Variants in KCNIP1 observed in about 807,000 individuals in gnomAD.
KCNIP1 encodes A-type potassium channel modulatory protein KCNIP1.
Under a neutral mutation model 33.0 loss-of-function variants are expected in KCNIP1, and 18 were observed. The ratio of observed to expected loss-of-function variants is 0.55; its 90% CI spans 0.38 to 0.81. KCNIP1 has a LOEUF of 0.81. Ranked by LOEUF, KCNIP1 falls within the 30% of genes least tolerant of loss-of-function variation. The probability of loss-of-function intolerance (pLI) is 0.00; values close to 1 mark genes in which losing one functional copy is unlikely to be tolerated. For missense variants in KCNIP1, 238 were observed against 271.6 expected (o/e 0.88, Z 0.87); for synonymous variants, 93 against 98.3 (o/e 0.95, Z 0.32).
intron 1 of KCNIP1, among the ~76,000 whole-genome samples, chr5:170,553,752 G>T (rs915803145): frequency 1.3e-5 from 2 of 152,224 alleles, no homozygotes; most frequent in African/African-American, 4.8e-5. Flanking sequence ...GGGTGAAGAG[G>T]TGAACCTCAG....
intron 4 of KCNIP1, 43 bp downstream of exon 4, chr5:170,721,946 C>T: frequency 1.9e-6 from 3 of 1,607,354 alleles, no homozygotes; most frequent in Admixed American, 1.7e-5. Context: ...TCTGGTTCTG[C>T]ATCACCTCCC....
intron 1 of KCNIP1, among the ~76,000 whole-genome samples, chr5:170,607,400 A>G (rs1339640155): frequency 1.3e-5 from 2 of 151,970 alleles, no homozygotes; most frequent in Non-Finnish European, 2.9e-5. Context: ...ATAAACAATC[A>G]TTTACAGAGT....
intron 1 of KCNIP1, among the ~76,000 whole-genome samples, chr5:170,428,985 C>A (rs1259805653): frequency 1.3e-5 from 2 of 152,040 alleles, no homozygotes; most frequent in Non-Finnish European, 1.5e-5. Flanking sequence ...CTGAAGTGTT[C>A]AGAACTTTTC....
intron 1 of KCNIP1, among the ~76,000 whole-genome samples, chr5:170,556,059 C>A (rs148235618): frequency 1.3e-5 from 2 of 152,182 alleles, no homozygotes; most frequent in Non-Finnish European, 2.9e-5. Flanking sequence ...ACAACTCAAC[C>A]GTTTAGTGAA....
chr5:170,662,353 C>T (rs1036598890), intron 1 of KCNIP1, among the ~76,000 whole-genome samples: 9 of 152,144 alleles, frequency 5.9e-5, no homozygotes, highest in Non-Finnish European at 7.4e-5. Context: ...AATGACCCTC[C>T]GTCACTGAAG....
intron 1 of KCNIP1, among the ~76,000 whole-genome samples, chr5:170,581,274 C>T (rs574693878): frequency 6.6e-6 from 1 of 152,318 alleles, no homozygotes; most frequent in South Asian, 2.1e-4. Flanking sequence ...TTTCCAAGGT[C>T]ACAGAGCTAA....
chr5:170,442,688 C>T (rs1756021790), intron 1 of KCNIP1, among the ~76,000 whole-genome samples: 1 of 151,938 alleles, frequency 6.6e-6, no homozygotes, highest in South Asian at 2.1e-4. Context: ...GAGATGTCCT[C>T]AACAGCACCT....
intron 1 of KCNIP1, chr5:170,379,022 T>C (rs1250412092): frequency 3.8e-6 from 6 of 1,591,318 alleles, no homozygotes; most frequent in South Asian, 2.3e-5. Context: ...CCCCATTTCT[T>C]AGCCAAGGGC....
At chr5:170,363,265 G>A (rs2113291605) in intron 1 of KCNIP1, among the ~76,000 whole-genome samples, 1 of 152,326 alleles carries the variant, frequency 6.6e-6, no homozygotes, top group East Asian at 1.9e-4. Flanking sequence ...AAACCTGTCA[G>A]CACCGTCACT....
chr5:170,581,762 A>C (rs746594095), intron 1 of KCNIP1, among the ~76,000 whole-genome samples: 5 of 152,244 alleles, frequency 3.3e-5, no homozygotes. Flanking sequence ...TTGTGTTCCT[A>C]CAAAGGAGAA....
chr5:170,408,739 G>A (rs186784149), intron 1 of KCNIP1, among the ~76,000 whole-genome samples: 27 of 152,276 alleles, frequency 1.8e-4, no homozygotes, highest in Admixed American at 6.5e-5. Flanking sequence ...CTTGAAGAAC[G>A]CTTTCTCTGC....
At chr5:170,512,442 G>A (rs757577220) in intron 1 of KCNIP1, among the ~76,000 whole-genome samples, 2 of 152,190 alleles carry the variant, frequency 1.3e-5, no homozygotes, top group Admixed American at 1.3e-4. Context: ...TATGTTATAC[G>A]GTTGTTATGA....
chr5:170,704,656 T>TTCC (rs968985182), intron 1 of KCNIP1, among the ~76,000 whole-genome samples: 13 of 152,192 alleles, frequency 8.5e-5, no homozygotes, highest in African/African-American at 2.2e-4. Context: ...TGGAAAGGGA[T>TTCC]TCCTCCTCCT....
intron 1 of KCNIP1, among the ~76,000 whole-genome samples, chr5:170,651,643 C>G (rs1354161977): frequency 1.3e-5 from 2 of 152,156 alleles, no homozygotes; most frequent in Admixed American, 1.3e-4. Flanking sequence ...CTGGACATTA[C>G]TTATTCTTTA....
chr5:170,730,839 TA>T (rs34072627), intron 5 of KCNIP1, among the ~76,000 whole-genome samples: 34,309 of 146,328 alleles, frequency 0.23, 5,179 homozygotes, highest in East Asian at 0.81. Flanking sequence ...TAAAAGTGCT[TA>T]AAAAAAAAAA....
intron 1 of KCNIP1, among the ~76,000 whole-genome samples, chr5:170,409,393 G>A (rs1288455672): frequency 6.6e-6 from 1 of 152,182 alleles, no homozygotes; most frequent in African/African-American, 2.4e-5. Context: ...TGTGCAATGT[G>A]GGTGTGAACT....
At chr5:170,734,211 G>T (rs1408524206) in intron 7 of KCNIP1, among the ~76,000 whole-genome samples, 1 of 150,736 alleles carries the variant, frequency 6.6e-6, no homozygotes, top group Admixed American at 6.6e-5. Flanking sequence ...CCTGCCTCTG[G>T]CTTGATGACC....
chr5:170,712,952 A>C, intron 1 of KCNIP1: 1 of 1,339,366 alleles, frequency 7.5e-7, no homozygotes, highest in East Asian at 2.3e-5. Context: ...CTTCTTAATC[A>C]AGCTCATGTT....
chr5:170,663,925 T>TC (rs34496804), intron 1 of KCNIP1, among the ~76,000 whole-genome samples: 97,260 of 151,668 alleles, frequency 0.64, 32,074 homozygotes, highest in African/African-American at 0.8. Flanking sequence ...TATACTCTCC[T>TC]CAATCCTATC....
Sources: gnomAD v4.1 joint callset for allele counts (sites outside exome capture counted in the v4.1 genomes callset) on GRCh38, gnomAD v4.1.1 for gene constraint, MANE v1.5 for transcripts, NCBI Gene and HGNC (gene_info 2026-07-23, HGNC 2026-07-21) for gene names.